The following POLN variants were observed in gnomAD, a reference collection of about 807,000 sequenced individuals.
The protein encoded by POLN is DNA polymerase N.
Under a neutral mutation model 113.5 loss-of-function variants are expected in POLN, and 108 were observed. The observed-to-expected ratio is 0.95, with a 90% CI of 0.81 to 1.12. The LOEUF is 1.12. Among genes scored for constraint, POLN ranks in the 50% most tolerant of loss-of-function variants. The pLI is 0.00. For missense variants in POLN, 1,097 were observed against 1,077.1 expected (o/e 1.02, Z -0.26); for synonymous variants, 386 against 391.5 (o/e 0.99, Z 0.17).
In POLN at chr4:2,072,368, A is replaced by G. The variant is rs944874396; in HGVS notation, c.2518-69T>C. ...ACCCCCAGCCACCTCCCAGACCCCA[A>G]GCAGGGGGACAGGGCCTACAGCACA... On this transcript the variant is annotated intron_variant, in intron 25 of 25. Transcript: ENST00000511885. 2.3e-4 allele frequency: 316 copies of G among 1,360,560 alleles called. 1 individual carries two copies. Among genetic ancestry groups the G allele is most frequent in the Non-Finnish European group, 3.0e-4 (308 of 1,017,476 alleles). The allele number at this position is 1,360,560 out of a possible 1,614,324, so 84.3% of individuals were successfully genotyped here.
intron 7 of POLN, 112 bp downstream of exon 7, chr4:2,193,092 G>T: frequency 2.6e-6 from 2 of 764,592 alleles, no homozygotes; most frequent in Non-Finnish European, 4.3e-6. Flanking sequence ...CAGTCTGTGT[G>T]GCCAGGTCCT....
Position 2,229,180 on chromosome 4 carries a change from A to AGAGC in POLN, c.48_51dup (p.Ser18AlafsTer16). 6.2e-7 allele frequency: 1 copy of AGAGC among 1,610,864 alleles called. No individual in the cohort carries two copies. The highest frequency in any genetic ancestry group is 8.5e-7 in the Non-Finnish European group (1 of 1,177,098). ...GACATAATCTTCTGAGCAACACTGG[A>AGAGC]GAGCGGTGTATTACAGAGATCAAAG... On this transcript the variant is annotated frameshift_variant, in exon 3 of 26. Coordinates refer to ENST00000511885, the MANE Select transcript of POLN (RefSeq NM_181808.4). LOFTEE classifies it high-confidence loss of function.
At position 2,140,873 on chromosome 4, in the gene POLN, T is replaced by A. The variant is rs569842775; in HGVS notation, c.1732-9583A>T. The A allele has an allele frequency of 8.5e-5, 13 of 152,408 alleles. No individual in the cohort carries two copies. In the East Asian group the frequency reaches 2.3e-3, roughly 27 times the overall value. 9.4% of individuals were successfully genotyped at this position (152,408 alleles called of 1,614,324 possible). A position where few individuals can be genotyped will look rare whatever the true frequency, so the allele number is the denominator to read the frequency against. ...TGACGGTGCCCACCACCCCCCTCCT[T>A]TAAGCCAACCAGCAGACTTCATCGT... is the stretch of plus-strand genomic sequence containing the variant. On this transcript the variant is annotated intron_variant, in intron 16 of 25. Transcript: ENST00000511885.
intron 16 of POLN, chr4:2,156,527 T>C (rs573378177): frequency 1.7e-6 from 1 of 581,736 alleles, no homozygotes; most frequent in Admixed American, 2.4e-5. Flanking sequence ...GGTACGGGTG[T>C]CCTTTTTGCC....
intron 3 of POLN, chr4:2,228,560 A>T (rs1252477997): frequency 5.7e-6 from 1 of 174,918 alleles, no homozygotes; most frequent in Non-Finnish European, 1.2e-5. Flanking sequence ...GATGGTCTCG[A>T]TCTCCTGACC....
intron 18 of POLN, 120 bp from the exon 19 acceptor site, chr4:2,128,347 C>G: frequency 4.8e-6 from 3 of 619,316 alleles, no homozygotes; most frequent in Non-Finnish European, 8.5e-6. Context: ...ATGTCCCTGC[C>G]TCCCATCTCC....
chr4:2,209,084 A>G (rs746076773), intron 4 of POLN, among the ~76,000 whole-genome samples: 2 of 152,220 alleles, frequency 1.3e-5, no homozygotes, highest in Admixed American at 6.5e-5. Flanking sequence ...GCATATGTGC[A>G]TAAGAGAGAA....
chr4:2,082,246 C>A (rs1356295885), intron 21 of POLN, among the ~76,000 whole-genome samples: 9 of 152,126 alleles, frequency 5.9e-5, no homozygotes, highest in Non-Finnish European at 8.8e-5. Context: ...GGAGCCACTG[C>A]CCCTGGCCAC....
chr4:2,156,889 C>A, intron 15 of POLN, 36 bp from the exon 16 acceptor site: 1 of 1,523,346 alleles, frequency 6.6e-7, no homozygotes, highest in Non-Finnish European at 9.1e-7. Flanking sequence ...TAAACTCCAG[C>A]AATGCTATGT....
chr4:2,102,243 G>A (rs1730944616), intron 19 of POLN, among the ~76,000 whole-genome samples: 1 of 152,152 alleles, frequency 6.6e-6, no homozygotes, highest in African/African-American at 2.4e-5. Flanking sequence ...GGCTGTGCCT[G>A]CCTTCATCCC....
chr4:2,241,805 G>A lies in POLN; in HGVS notation c.-283-15C>T, dbSNP rs1051368926. The A allele has an allele frequency of 3.0e-5, 30 of 985,336 alleles. 1 individual carries two copies. The highest frequency in any genetic ancestry group is 6.1e-5 in the Admixed American group (1 of 16,270). 61.0% of individuals were successfully genotyped at this position (985,336 alleles called of 1,614,324 possible). A position where few individuals can be genotyped will look rare whatever the true frequency, so the allele number is the denominator to read the frequency against. The stretch of plus-strand genomic sequence containing the variant: ...ACCTAAGCACGCTGACAAAACAAAC[G>A]CACAAGCCCACCGAATCGCCGTCGA... On this transcript the variant is annotated splice_polypyrimidine_tract_variant and intron_variant, in intron 1 of 25. Transcript: ENST00000511885.
At chr4:2,171,445 T>TA (rs2108747328) in intron 11 of POLN, among the ~76,000 whole-genome samples, 1 of 145,792 alleles carries the variant, frequency 6.9e-6, no homozygotes, top group Non-Finnish European at 1.5e-5. Flanking sequence ...CCTGTGGTCC[T>TA]AGCTGCTTGG....
rs115163060 is a variant in POLN, at chr4:2,106,700, T to C, written c.1983-10767A>G. ...TCTTTTATCATATACTAAATGCTTATACATATCCCAGTAGGTCTTTTTATG... is the reference window on the plus strand; with the variant it reads ...TCTTTTATCATATACTAAATGCTTACACATATCCCAGTAGGTCTTTTTATG... On this transcript the variant is annotated intron_variant, in intron 19 of 25. Coordinates refer to ENST00000511885, the MANE Select transcript of POLN (RefSeq NM_181808.4). Among the ~76,000 whole-genome samples the C allele has an allele frequency of 2.2e-3, 337 of 152,356 alleles. 3 individuals are homozygous for C. Among genetic ancestry groups the C allele is most frequent in the African/African-American group, 7.7e-3 (321 of 41,580 alleles).
chr4:2,236,814 G>C (rs1261572149), intron 2 of POLN, among the ~76,000 whole-genome samples: 1 of 151,630 alleles, frequency 6.6e-6, no homozygotes, highest in Non-Finnish European at 1.5e-5. Flanking sequence ...AGTGAACCCA[G>C]ATTGCGCCAC....
rs142927427 is a variant in POLN, at chr4:2,072,222, C to T, written c.2595G>A (p.Pro865=). The part of the protein sequence containing the change: ...LVPLQEAWGP[P]PGPCRTESPS... ...GAGACTCAGTGCGACATGGGCCTGG[C>T]GGAGGGCCCCAGGCCTCCTGCAGTG... The change falls in exon 26 of 26, where the codon CCG becomes CCA. Residue 865 remains proline, a synonymous_variant. Coordinates refer to ENST00000511885, the MANE Select transcript of POLN (RefSeq NM_181808.4). The T allele has an allele frequency of 9.0e-5, 145 of 1,605,550 alleles. No individual in the cohort carries two copies. The African/African-American group carries it at 1.6e-3, about 18-fold the overall frequency.
At chr4:2,092,980 A>G (rs1415972608) in intron 20 of POLN, among the ~76,000 whole-genome samples, 1 of 152,368 alleles carries the variant, frequency 6.6e-6, no homozygotes, top group South Asian at 2.1e-4. Context: ...GCAGAGCCGG[A>G]GGCTCAGGGT....
chr4:2,081,877 C>G, intron 21 of POLN, 134 bp from the exon 22 acceptor site: 1 of 680,692 alleles, frequency 1.5e-6, no homozygotes, highest in Non-Finnish European at 2.5e-6. Context: ...CCCCTGGGCC[C>G]TTCGGGTCTA....
rs562464435 is a variant in POLN at position 2,081,549 on chromosome 4, A to G, written c.2308+84T>C. 3.1e-6 allele frequency: 4 copies of G among 1,296,104 alleles called. No individual in the cohort carries two copies. In the African/African-American group the frequency reaches 5.8e-5, roughly 19 times the overall value. The allele number at this position is 1,296,104 out of a possible 1,614,324, so 80.3% of individuals were successfully genotyped here. The stretch of plus-strand genomic sequence containing the variant: ...ATGAGCAGGAAATACCGCAACAGTG[A>G]TCGGTGGGTGCCACCCAGCCCTGCG... On this transcript the variant is annotated intron_variant, in intron 22 of 25. Coordinates refer to ENST00000511885, the MANE Select transcript of POLN (RefSeq NM_181808.4).
chr4:2,175,740 G>C (rs1732978795), intron 9 of POLN, among the ~76,000 whole-genome samples: 2 of 152,200 alleles, frequency 1.3e-5, no homozygotes, highest in African/African-American at 4.8e-5. Context: ...GGCTCCTCCA[G>C]GTCACATCAC....
Sources: allele counts gnomAD v4.1 joint callset (sites outside exome capture counted in the v4.1 genomes callset), GRCh38; gene constraint gnomAD v4.1.1; transcripts MANE v1.5; gene names NCBI Gene and HGNC (gene_info 2026-07-23, HGNC 2026-07-21).